Variants in PARD3 observed in about 807,000 individuals in gnomAD.
PARD3 encodes the protein par-3 family cell polarity regulator.
PARD3 carries 75 observed loss-of-function variants against 155.4 expected under a neutral mutation model. The ratio of observed to expected loss-of-function variants is 0.48; its 90% CI spans 0.40 to 0.58. The LOEUF (loss-of-function observed/expected upper bound fraction) is 0.58. Among genes scored for constraint, PARD3 ranks in the 20% least tolerant of loss-of-function variants. PARD3 has a pLI of 0.00. For synonymous variants in PARD3, 576 were observed against 610.5 expected (o/e 0.94, Z 0.83); for missense variants, 1,642 against 1,721.7 (o/e 0.95, Z 0.82).
intron 5 of PARD3, among the ~76,000 whole-genome samples, chr10:34,450,003 A>C (rs899011304): frequency 6.6e-6 from 1 of 152,208 alleles, no homozygotes; most frequent in Admixed American, 6.5e-5. Flanking sequence ...GAGTCTTGAA[A>C]GTCTACTCAC....
chr10:34,566,898 T>C (rs1351854402), intron 2 of PARD3, among the ~76,000 whole-genome samples: 1 of 152,222 alleles, frequency 6.6e-6, no homozygotes, highest in African/African-American at 2.4e-5. Flanking sequence ...TTTTTTTGAA[T>C]GTACTATTTT....
intron 2 of PARD3, among the ~76,000 whole-genome samples, chr10:34,588,629 G>A (rs1256036766): frequency 6.6e-6 from 1 of 152,008 alleles, no homozygotes; most frequent in Admixed American, 6.6e-5. Context: ...TTTAAACATG[G>A]GCTGCCCGAT....
chr10:34,440,901 T>C (rs541073787), intron 5 of PARD3, among the ~76,000 whole-genome samples: 47 of 151,966 alleles, frequency 3.1e-4, no homozygotes, highest in Admixed American at 1.4e-3. Context: ...TATCCTTACA[T>C]TTAATCTTAT....
At chr10:34,450,592 G>GT in intron 4 of PARD3, 144 bp from the exon 5 acceptor site, 1 of 759,820 alleles carries the variant, frequency 1.3e-6, no homozygotes, top group Non-Finnish European at 2.0e-6. Flanking sequence ...GCTGATTGAG[G>GT]ACATTCCACC....
At chr10:34,252,224 T>C (rs777032744) in intron 22 of PARD3, among the ~76,000 whole-genome samples, 11 of 152,004 alleles carry the variant, frequency 7.2e-5, no homozygotes, top group Admixed American at 2.0e-4. Flanking sequence ...CTGCTGTGCT[T>C]TGGGGACAGA....
intron 3 of PARD3, among the ~76,000 whole-genome samples, chr10:34,481,158 T>C (rs1054574774): frequency 1.3e-5 from 2 of 152,128 alleles, no homozygotes; most frequent in African/African-American, 4.8e-5. Context: ...TACAGAATAT[T>C]TCACCAACCA....
intron 22 of PARD3, among the ~76,000 whole-genome samples, chr10:34,189,029 A>C (rs986360701): frequency 6.6e-6 from 1 of 152,184 alleles, no homozygotes; most frequent in Non-Finnish European, 1.5e-5. Context: ...AGTATTTGAT[A>C]AAAATACTAA....
chr10:34,728,957 T>A (rs962730090), intron 1 of PARD3, among the ~76,000 whole-genome samples: 3 of 152,210 alleles, frequency 2.0e-5, no homozygotes, highest in Non-Finnish European at 4.4e-5. Context: ...TAGGTTCCGA[T>A]ATGTTTAGAA....
chr10:34,359,675 G>A (rs1227694531), intron 13 of PARD3, among the ~76,000 whole-genome samples: 1 of 152,166 alleles, frequency 6.6e-6, no homozygotes, highest in Admixed American at 6.5e-5. Context: ...TTAGACAGTT[G>A]CAGAGAACTG....
chr10:34,493,306 C>A (rs930232836), intron 3 of PARD3, among the ~76,000 whole-genome samples: 2 of 152,170 alleles, frequency 1.3e-5, no homozygotes, highest in African/African-American at 2.4e-5. Flanking sequence ...TGTCTTCAAT[C>A]AATTCAAAAA....
At chr10:34,385,445 G>A (rs1196330653) in intron 7 of PARD3, among the ~76,000 whole-genome samples, 1 of 152,014 alleles carries the variant, frequency 6.6e-6, no homozygotes, top group Non-Finnish European at 1.5e-5. Flanking sequence ...TTGATGGCTG[G>A]CATAAATTTT....
intron 3 of PARD3, among the ~76,000 whole-genome samples, chr10:34,515,349 C>A (rs2081650679): frequency 6.6e-6 from 1 of 152,220 alleles, no homozygotes. Flanking sequence ...AAAGCTAAAT[C>A]TCTTGCATAT....
At chr10:34,317,388 A>G in intron 19 of PARD3, 50 bp from the exon 20 acceptor site, 1 of 1,548,262 alleles carries the variant, frequency 6.5e-7, no homozygotes, top group South Asian at 1.2e-5. Flanking sequence ...AACGCAACAA[A>G]AATAATAAAG....
intron 1 of PARD3, among the ~76,000 whole-genome samples, chr10:34,716,585 C>CTTTTTTTTTTTTT (rs34751073): frequency 5.5e-5 from 4 of 73,246 alleles, no homozygotes; most frequent in Non-Finnish European, 1.0e-4. Flanking sequence ...GATGGCTTTT[C>CTTTTTTTTTTTTT]TTTTTTTTTT....
At chr10:34,341,911 A>G in intron 15 of PARD3, 95 bp from the exon 16 acceptor site, 1 of 703,854 alleles carries the variant, frequency 1.4e-6, no homozygotes, top group Non-Finnish European at 2.4e-6. Context: ...GTAAAAGTCT[A>G]ATTTTCCACA....
intron 20 of PARD3, among the ~76,000 whole-genome samples, chr10:34,310,225 A>G (rs949284134): frequency 1.3e-5 from 2 of 152,228 alleles, no homozygotes; most frequent in Non-Finnish European, 2.9e-5. Flanking sequence ...CACAAGGAAT[A>G]TTTCCAACAT....
At chr10:34,674,174 G>A (rs768074083) in intron 2 of PARD3, among the ~76,000 whole-genome samples, 1 of 152,028 alleles carries the variant, frequency 6.6e-6, no homozygotes, top group African/African-American at 2.4e-5. Context: ...AAGTAGCACT[G>A]TCTATTGTAC....
chr10:34,362,984 T>C (rs1182316705), intron 12 of PARD3, among the ~76,000 whole-genome samples: 2 of 152,250 alleles, frequency 1.3e-5, no homozygotes, highest in South Asian at 2.1e-4. Flanking sequence ...TCAGTACTTA[T>C]AAGCATGGAA....
chr10:34,614,713 C>A (rs2132652347), intron 2 of PARD3, among the ~76,000 whole-genome samples: 1 of 152,230 alleles, frequency 6.6e-6, no homozygotes, highest in East Asian at 1.9e-4. Flanking sequence ...TTTCCTATTG[C>A]CCAAAGTGAT....
Sources: gnomAD v4.1 joint callset for allele counts (sites outside exome capture counted in the v4.1 genomes callset) on GRCh38, gnomAD v4.1.1 for gene constraint, MANE v1.5 for transcripts, NCBI Gene and HGNC (gene_info 2026-07-23, HGNC 2026-07-21) for gene names.